The following PLCZ1 variants were observed in gnomAD, a reference collection of about 807,000 sequenced individuals.
PLCZ1 encodes the protein 1-phosphatidylinositol 4,5-bisphosphate phosphodiesterase zeta-1.
PLCZ1 carries 64 observed loss-of-function variants against 76.8 expected under a neutral mutation model. That is an observed-to-expected ratio of 0.83 (90% CI 0.68 to 1.03). PLCZ1 has a LOEUF of 1.03. Among genes scored for constraint, PLCZ1 ranks in the 50% least tolerant of loss-of-function variants. The pLI is 0.00. For missense variants in PLCZ1, 751 were observed against 713.7 expected (o/e 1.05, Z -0.60); for synonymous variants, 248 against 230.8 (o/e 1.07, Z -0.68).
the PLCZ1 span, among the ~76,000 whole-genome samples, chr12:18,662,420 G>A: frequency 6.6e-6 from 1 of 151,032 alleles, no homozygotes; most frequent in African/African-American, 2.4e-5. Context: ...AAAAGCTGAG[G>A]AAATTTATGA....
At chr12:18,715,040 CA>C (rs1450963922) in intron 5 of PLCZ1, among the ~76,000 whole-genome samples, 3 of 151,516 alleles carry the variant, frequency 2.0e-5, no homozygotes, top group Non-Finnish European at 4.4e-5. Context: ...CGATCATATG[CA>C]GTCCCTTTCT....
At chr12:18,662,137 G>A in the PLCZ1 span, among the ~76,000 whole-genome samples, 5 of 152,036 alleles carry the variant, frequency 3.3e-5, no homozygotes, top group Non-Finnish European at 7.4e-5. Flanking sequence ...GATGGAAAGT[G>A]CAAGGAGGGT....
At chr12:18,668,278 T>G in the PLCZ1 span, among the ~76,000 whole-genome samples, 14 of 152,222 alleles carry the variant, frequency 9.2e-5, 1 homozygote, top group Non-Finnish European at 1.3e-4. Context: ...ATTAAGTATT[T>G]ACATGAACCT....
chr12:18,647,791 AT>A, the PLCZ1 span: 64 of 720,070 alleles, frequency 8.9e-5, no homozygotes, highest in South Asian at 1.5e-4. Flanking sequence ...TTAGCAGCTA[AT>A]TTTTTTTATT....
intron 2 of PLCZ1, 51 bp downstream of exon 2, chr12:18,737,310 G>T: frequency 6.4e-7 from 1 of 1,569,408 alleles, no homozygotes; most frequent in Non-Finnish European, 8.8e-7. Context: ...AAGTAAAGAG[G>T]ATAAGTAGGA....
Position 18,695,045 on chromosome 12 carries a change from C to T in PLCZ1, c.1326G>A (p.Met442Ile). The T allele has an allele frequency of 6.2e-7, 1 of 1,613,070 alleles. No individual in the cohort carries two copies. The highest frequency in any genetic ancestry group is 8.5e-7 in the Non-Finnish European group (1 of 1,179,360). The change falls in exon 12 of 15, where the codon ATG becomes ATA. Residue 442 changes from methionine to isoleucine, a missense_variant. Transcript: ENST00000266505. Reference sequence around the variant, plus strand: ...CCAAAAATTTCCCATTTTGCAGATCCATGGGCAGACCAGGGGTCTGGAAAT... The same window carrying T: ...CCAAAAATTTCCCATTTTGCAGATCTATGGGCAGACCAGGGGTCTGGAAAT... ...ALNFQTPGLPMDLQNGKFLDN... is the reference protein window; with the variant it reads ...ALNFQTPGLPIDLQNGKFLDN...
intron 6 of PLCZ1, 106 bp from the exon 7 acceptor site, chr12:18,705,421 G>T: frequency 7.3e-7 from 1 of 1,375,016 alleles, no homozygotes; most frequent in Non-Finnish European, 1.0e-6. Context: ...CTAACGTTTA[G>T]TACCTTTGCA....
the PLCZ1 span, among the ~76,000 whole-genome samples, chr12:18,666,077 A>G: frequency 6.6e-6 from 1 of 152,070 alleles, no homozygotes; most frequent in East Asian, 1.9e-4. Flanking sequence ...CTCCAGGTAA[A>G]CCATTAAGAA....
intron 3 of PLCZ1, among the ~76,000 whole-genome samples, chr12:18,733,898 T>C (rs1959170978): frequency 6.6e-6 from 1 of 152,216 alleles, no homozygotes; most frequent in South Asian, 2.1e-4. Flanking sequence ...CCAAAAATTG[T>C]GATGCCTCCA....
At chr12:18,669,299 T>G in the PLCZ1 span, among the ~76,000 whole-genome samples, 680 of 152,318 alleles carry the variant, frequency 4.5e-3, 5 homozygotes, top group African/African-American at 0.015. Context: ...ATATTCTCTT[T>G]CCATTATATG....
intron 4 of PLCZ1, 64 bp downstream of exon 4, chr12:18,723,247 T>C: frequency 6.3e-6 from 9 of 1,431,666 alleles, no homozygotes; most frequent in Middle Eastern, 2.1e-4. Context: ...TGAAATAATT[T>C]TTGAAAAAAG....
At chr12:18,691,337 AT>A (rs1395712979) in intron 12 of PLCZ1, among the ~76,000 whole-genome samples, 1 of 152,116 alleles carries the variant, frequency 6.6e-6, no homozygotes, top group Non-Finnish European at 1.5e-5. Flanking sequence ...CAGAATGGTG[AT>A]TAAGGAGGTA....
the PLCZ1 span, among the ~76,000 whole-genome samples, chr12:18,649,114 A>G: frequency 6.6e-6 from 1 of 151,698 alleles, no homozygotes; most frequent in Non-Finnish European, 1.5e-5. Flanking sequence ...TTAGTCTATT[A>G]CTCTCCCTTT....
At chr12:18,716,269 A>T (rs544139800) in intron 5 of PLCZ1, among the ~76,000 whole-genome samples, 1 of 152,164 alleles carries the variant, frequency 6.6e-6, no homozygotes, top group Non-Finnish European at 1.5e-5. Context: ...ACCACCAAGA[A>T]CTATATTGTG....
chr12:18,658,237 C>T, the PLCZ1 span, among the ~76,000 whole-genome samples: 2 of 151,824 alleles, frequency 1.3e-5, no homozygotes, highest in African/African-American at 4.8e-5. Flanking sequence ...ATTAGGCATC[C>T]CAGAAGATAA....
the PLCZ1 span, among the ~76,000 whole-genome samples, chr12:18,652,890 CATAT>C: frequency 6.6e-6 from 1 of 151,786 alleles, no homozygotes; most frequent in African/African-American, 2.4e-5. Flanking sequence ...TGAACATATA[CATAT>C]ATATGTATAT....
intron 13 of PLCZ1, among the ~76,000 whole-genome samples, chr12:18,686,339 A>G (rs1355558502): frequency 6.6e-6 from 1 of 152,066 alleles, no homozygotes; most frequent in African/African-American, 2.4e-5. Context: ...TAGAAAAAAG[A>G]AAGTTCCTGA....
At chr12:18,691,020 A>G (rs192481529) in intron 12 of PLCZ1, among the ~76,000 whole-genome samples, 1 of 152,218 alleles carries the variant, frequency 6.6e-6, no homozygotes, top group Admixed American at 6.5e-5. Flanking sequence ...GGACTGAGAC[A>G]GGCTACCTGA....
chr12:18,718,986 C>T (rs1001963740), intron 5 of PLCZ1, among the ~76,000 whole-genome samples: 1 of 152,100 alleles, frequency 6.6e-6, no homozygotes, highest in Non-Finnish European at 1.5e-5. Flanking sequence ...TCACTATCCA[C>T]AAATGTGAAG....
Sources: allele counts gnomAD v4.1 joint callset (sites outside exome capture counted in the v4.1 genomes callset), GRCh38; gene constraint gnomAD v4.1.1; transcripts MANE v1.5; gene names NCBI Gene and HGNC (gene_info 2026-07-23, HGNC 2026-07-21).